KDSR: variants seen among roughly 807,000 people sequenced by gnomAD.
KDSR encodes 3-ketodihydrosphingosine reductase.
KDSR carries 23 observed loss-of-function variants against 41.3 expected under a neutral mutation model. The observed-to-expected ratio is 0.56, with a 90% CI of 0.40 to 0.79. KDSR has a LOEUF of 0.79. Ranked by LOEUF, KDSR falls within the 30% of genes least tolerant of loss-of-function variation. The pLI is 0.00. For missense variants in KDSR, 351 were observed against 416.8 expected (o/e 0.84, Z 1.37); for synonymous variants, 138 against 151.7 (o/e 0.91, Z 0.66).
In KDSR at chr18:63,331,326, CAGAGAG is replaced by C. The variant is rs138869280; in HGVS notation, c.*450_*455del. 7.6e-5 allele frequency: 7 copies of C among 92,664 alleles called. No homozygotes were observed. Among genetic ancestry groups the C allele is most frequent in the Non-Finnish European group, 1.2e-4 (5 of 41,190 alleles). The allele number at this position is 92,664 out of a possible 1,614,324, so 5.7% of individuals were successfully genotyped here. A position where few individuals can be genotyped will look rare whatever the true frequency, so the allele number is the denominator to read the frequency against. ...ACAGAGAGACAGAGAGACAGAGAGA[CAGAGAG>C]AGAGAGAGAGAGAACCCGAGAAACC... On this transcript the variant is annotated 3_prime_UTR_variant, in exon 10 of 10. Coordinates refer to ENST00000645214, the MANE Select transcript of KDSR (RefSeq NM_002035.4).
At position 63,355,552 on chromosome 18, in the gene KDSR, G is replaced by A; in HGVS notation, c.267C>T (p.Cys89=). ...AGTCTTGAGATACATCAACTGATATGCAAAGCACCACCTGTTAAAAAAGAA... is the reference window on the plus strand; with the variant it reads ...AGTCTTGAGATACATCAACTGATATACAAAGCACCACCTGTTAAAAAAGAA... ...HSINDKQVVL[C]ISVDVSQDYN... The change falls in exon 4 of 10, where the codon TGC becomes TGT. Residue 89 remains cysteine, a synonymous_variant. Coordinates refer to ENST00000645214, the MANE Select transcript of KDSR (RefSeq NM_002035.4). The A allele has an allele frequency of 3.8e-6, 6 of 1,593,330 alleles. No individual in the cohort carries two copies. The highest frequency in any genetic ancestry group is 2.2e-5 in the East Asian group (1 of 44,718).
Position 63,338,851 on chromosome 18 carries a change from T to A in KDSR, c.726A>T (p.Thr242=), listed in dbSNP as rs1914260787. ...PLETRLISET[T]SVCKPEQVAK... Reference sequence around the variant, plus strand: ...CCACCTGTTCTGGTTTGCACACAGATGTGGTCTCTGAAATAAGTCGAGTCT... The same window carrying A: ...CCACCTGTTCTGGTTTGCACACAGAAGTGGTCTCTGAAATAAGTCGAGTCT... Residue 242 remains threonine, a synonymous_variant, in exon 8 of 10, where the codon ACA becomes ACT. Coordinates refer to ENST00000645214, the MANE Select transcript of KDSR (RefSeq NM_002035.4). 6.2e-7 allele frequency: 1 copy of A among 1,609,132 alleles called. No homozygotes were observed. The highest frequency in any genetic ancestry group is 2.2e-5 in the East Asian group (1 of 44,832).
At chr18:63,365,778 A>G (rs1915118087) in intron 1 of KDSR, among the ~76,000 whole-genome samples, 1 of 152,244 alleles carries the variant, frequency 6.6e-6, no homozygotes, top group Admixed American at 6.5e-5. Flanking sequence ...TAAAACTTTC[A>G]GAATTTAGAG....
Position 63,331,728 on chromosome 18 carries a change from G to A in KDSR, c.*54C>T. ...TAGGCCAAAAATTGGGTCCCATTTA[G>A]CAGCAAGCTGTTCAAATTATTTGGA... On this transcript the variant is annotated 3_prime_UTR_variant, in exon 10 of 10. Coordinates refer to ENST00000645214, the MANE Select transcript of KDSR (RefSeq NM_002035.4). 6.3e-7 allele frequency: 1 copy of A among 1,588,002 alleles called. No homozygotes were observed. The highest frequency in any genetic ancestry group is 8.6e-7 in the Non-Finnish European group (1 of 1,166,186).
chr18:63,357,105 T>C (rs909060620), intron 3 of KDSR, among the ~76,000 whole-genome samples: 1 of 152,116 alleles, frequency 6.6e-6, no homozygotes, highest in African/African-American at 2.4e-5. Flanking sequence ...TCTAACATTC[T>C]AGAAGGGAAA....
chr18:63,364,508 A>T (rs1390007806), intron 1 of KDSR, among the ~76,000 whole-genome samples: 1 of 151,404 alleles, frequency 6.6e-6, no homozygotes, highest in Non-Finnish European at 1.5e-5. Flanking sequence ...CAGTGGCACG[A>T]TCTCAGCTCA....
chr18:63,354,681 AT>A (rs528104295), intron 5 of KDSR, among the ~76,000 whole-genome samples: 30 of 152,344 alleles, frequency 2.0e-4, no homozygotes, highest in Non-Finnish European at 3.2e-4. Context: ...AAAAGAAAAA[AT>A]AAAAATTTCA....
intron 5 of KDSR, among the ~76,000 whole-genome samples, chr18:63,351,756 TTTTA>T (rs1489062411): frequency 3.3e-5 from 5 of 151,970 alleles, no homozygotes; most frequent in African/African-American, 4.8e-5. Context: ...AGCTTTTAAT[TTTTA>T]TTTATTTATT....
intron 9 of KDSR, among the ~76,000 whole-genome samples, chr18:63,333,947 G>A (rs572555660): frequency 6.6e-6 from 1 of 152,294 alleles, no homozygotes; most frequent in South Asian, 2.1e-4. Flanking sequence ...GGGAGTCCAG[G>A]ACAACACGCC....
At position 63,362,794 on chromosome 18, in the gene KDSR, C is replaced by G; in HGVS notation, c.183G>C (p.Leu61=). The part of the protein sequence containing the change: ...ECYKQGAFIT[L]VARNEDKLLQ... ...GAAGCCTTACCTCATTTCGTGCAAC[C>G]AGAGTTATAAAAGCTCCTTGTTTAT... Residue 61 remains leucine, a synonymous_variant, in exon 2 of 10, where the codon CTG becomes CTC. Coordinates refer to ENST00000645214, the MANE Select transcript of KDSR (RefSeq NM_002035.4). 6.2e-7 allele frequency: 1 copy of G among 1,612,418 alleles called. No homozygotes were observed. Among genetic ancestry groups the G allele is most frequent in the Non-Finnish European group, 8.5e-7 (1 of 1,178,614 alleles).
intron 1 of KDSR, chr18:63,366,532 G>C (rs995300756): frequency 6.4e-6 from 1 of 155,186 alleles, no homozygotes; most frequent in African/African-American, 2.4e-5. Flanking sequence ...GAGCTGCCTC[G>C]GCGGGTCCCG....
intron 1 of KDSR, 44 bp from the exon 2 acceptor site, chr18:63,362,912 C>A (rs1016586481): frequency 1.5e-5 from 20 of 1,344,576 alleles, no homozygotes; most frequent in Non-Finnish European, 1.8e-5. Context: ...GAAATCTCCC[C>A]TCTGTAGGAA....
At position 63,329,206 on chromosome 18, in the gene KDSR, T is replaced by C. The variant is rs1853919024; in HGVS notation, c.*2576A>G. 1 of 208,026 alleles carries C rather than the reference T, an allele frequency of 4.8e-6. No homozygotes were observed. The highest frequency in any genetic ancestry group is 2.3e-5 in the African/African-American group (1 of 43,940). The allele number at this position is 208,026 out of a possible 1,614,324, so 12.9% of individuals were successfully genotyped here. ...AGGCTGCTTAAATGCCTACAACCCC[T>C]TATCCAAAACCCGCTGGGCTGGATG... On this transcript the variant is annotated 3_prime_UTR_variant, in exon 10 of 10. Coordinates refer to ENST00000645214, the MANE Select transcript of KDSR (RefSeq NM_002035.4).
intron 7 of KDSR, among the ~76,000 whole-genome samples, chr18:63,343,006 G>A (rs949283990): frequency 3.9e-5 from 6 of 152,014 alleles, no homozygotes; most frequent in African/African-American, 1.2e-4. Flanking sequence ...CTCCTGCTCC[G>A]ACCACGTAAG....
At chr18:63,337,094 T>TATATATATATATA (rs1568275938) in intron 8 of KDSR, among the ~76,000 whole-genome samples, 2 of 38,702 alleles carry the variant, frequency 5.2e-5, no homozygotes, top group Non-Finnish European at 6.6e-5. Flanking sequence ...ATATGTGACT[T>TATATATATATATA]TATATATATA....
rs11349419 is a variant in KDSR, at chr18:63,328,355, C to CT, written c.*3426dup. On this transcript the variant is annotated 3_prime_UTR_variant, in exon 10 of 10. Coordinates refer to ENST00000645214, the MANE Select transcript of KDSR (RefSeq NM_002035.4). The stretch of plus-strand genomic sequence containing the variant: ...ACAGATCCAGATAAAGATTTTTTTT[C>CT]TTTTTTTTTTTTTTTGAGACAGAGT... The CT allele has an allele frequency of 3.0e-3, 422 of 138,628 alleles. 2 individuals are homozygous for CT. The East Asian group carries it at 0.039, about 13-fold the overall frequency. 8.6% of individuals were successfully genotyped at this position (138,628 alleles called of 1,614,324 possible).
At chr18:63,335,874 GTCT>G (rs1376918080) in intron 8 of KDSR, 2 of 152,950 alleles carry the variant, frequency 1.3e-5, no homozygotes, top group African/African-American at 2.4e-5. Context: ...TCGAGGACAT[GTCT>G]TCTTAATACT....
At chr18:63,363,356 T>C (rs1915048398) in intron 1 of KDSR, among the ~76,000 whole-genome samples, 1 of 133,774 alleles carries the variant, frequency 7.5e-6, no homozygotes, top group Non-Finnish European at 1.6e-5. Context: ...TATCTCCCAA[T>C]GCTATCCCTC....
chr18:63,351,625 G>A (rs930185933), intron 5 of KDSR, among the ~76,000 whole-genome samples: 2 of 152,176 alleles, frequency 1.3e-5, no homozygotes, highest in African/African-American at 4.8e-5. Context: ...ACCGCATAGG[G>A]CTGTTGCAAA....
Sources: gnomAD v4.1 joint callset for allele counts (sites outside exome capture counted in the v4.1 genomes callset) on GRCh38, gnomAD v4.1.1 for gene constraint, MANE v1.5 for transcripts, NCBI Gene and HGNC (gene_info 2026-07-23, HGNC 2026-07-21) for gene names.